POLK: variants seen among roughly 807,000 people sequenced by gnomAD.
POLK encodes the protein DNA polymerase kappa.
POLK carries 76 observed loss-of-function variants against 94.0 expected under a neutral mutation model. The observed-to-expected ratio is 0.81, with a 90% CI of 0.67 to 0.98. POLK has a LOEUF of 0.98. Among genes scored for constraint, POLK ranks in the 50% least tolerant of loss-of-function variants. The pLI is 0.00. For synonymous variants in POLK, 349 were observed against 325.4 expected (o/e 1.07, Z -0.78); for missense variants, 954 against 1,010.1 (o/e 0.94, Z 0.75).
chr5:75,534,850 T>A (rs1440170671), intron 1 of POLK: 1 of 152,238 alleles, frequency 6.6e-6, no homozygotes, highest in African/African-American at 2.4e-5. Flanking sequence ...CCCTTTACTT[T>A]GAGTCTGTGG....
rs1768051375 is a variant in POLK at position 75,512,011 on chromosome 5, G to A, written c.-14+97G>A. The A allele has an allele frequency of 2.0e-5, 11 of 554,550 alleles. No individual in the cohort carries two copies. In the South Asian group the frequency reaches 2.0e-4, roughly 10 times the overall value. The allele number at this position is 554,550 out of a possible 1,614,324, so 34.4% of individuals were successfully genotyped here. On this transcript the variant is annotated intron_variant, in intron 1 of 14. Coordinates refer to ENST00000241436, the Ensembl canonical transcript of POLK. ...GTTGCGTGACCAGCCCCTCGGCCTC[G>A]CTTCTATCCTTGCCTTGTGTGTTTA... is the stretch of plus-strand genomic sequence containing the variant.
intron 5 of POLK, among the ~76,000 whole-genome samples, chr5:75,574,959 C>A (rs1487816349): frequency 2.0e-5 from 3 of 152,206 alleles, no homozygotes; most frequent in African/African-American, 7.2e-5. Context: ...TACTTTAACT[C>A]AGCAAAACTT....
At chr5:75,588,552 TG>T (rs1200496924) in intron 10 of POLK, among the ~76,000 whole-genome samples, 1 of 152,224 alleles carries the variant, frequency 6.6e-6, no homozygotes, top group African/African-American at 2.4e-5. Flanking sequence ...TTGGCAAGAC[TG>T]TAGGAGTGAA....
rs1294455925 is a variant in POLK, at chr5:75,517,971, G to A, written c.-14+6057G>A. Among the ~76,000 whole-genome samples, 12 of 152,202 alleles carry A rather than the reference G, an allele frequency of 7.9e-5. No individual in the cohort carries two copies. The South Asian group carries it at 1.4e-3, about 18-fold the overall frequency. ...TTTGAATATGTTGAACTATCCTTGC[G>A]TCCCTTGGATGAATCCCACTTGATC... On this transcript the variant is annotated intron_variant, in intron 1 of 14. Coordinates refer to ENST00000241436, the Ensembl canonical transcript of POLK.
intron 3 of POLK, among the ~76,000 whole-genome samples, chr5:75,555,823 A>G (rs1445799240): frequency 1.3e-5 from 2 of 152,236 alleles, no homozygotes; most frequent in Non-Finnish European, 2.9e-5. Context: ...TTCTGGGATT[A>G]CAGGCGTGAG....
At chr5:75,606,052 CACAAGACA>C (rs1246867578), downstream of POLK, among the ~76,000 whole-genome samples, 1 of 118,558 alleles carries the variant, frequency 8.4e-6, no homozygotes, top group African/African-American at 3.3e-5. Context: ...GTGTCAGGGT[CACAAGACA>C]ATTGTGGGGA....
At chr5:75,598,134 C>G (rs1773189397) in exon 15 of POLK, 1 of 483,914 alleles carries the variant, frequency 2.1e-6, no homozygotes, top group African/African-American at 2.0e-5. Flanking sequence ...GTGCAATAAT[C>G]CTTCCTCAGA....
chr5:75,525,431 CTG>C (rs1015246068), intron 1 of POLK, among the ~76,000 whole-genome samples: 2 of 152,066 alleles, frequency 1.3e-5, no homozygotes, highest in African/African-American at 4.8e-5. Flanking sequence ...AGGAATTGGT[CTG>C]TCAGTTCGAA....
intron 1 of POLK, among the ~76,000 whole-genome samples, chr5:75,535,925 T>A (rs1322542912): frequency 1.3e-5 from 2 of 152,250 alleles, no homozygotes; most frequent in Non-Finnish European, 2.9e-5. Flanking sequence ...TCTTTGTTCC[T>A]ATCCATATTC....
At chr5:75,557,097 T>G (rs553043614) in intron 3 of POLK, among the ~76,000 whole-genome samples, 1 of 152,250 alleles carries the variant, frequency 6.6e-6, no homozygotes, top group South Asian at 2.1e-4. Context: ...CTCTTCTCCA[T>G]TTTATTGAGT....
chr5:75,558,452 C>T (rs1770760237), intron 3 of POLK, among the ~76,000 whole-genome samples: 1 of 152,080 alleles, frequency 6.6e-6, no homozygotes, highest in African/African-American at 2.4e-5. Flanking sequence ...CTTGTCCCAA[C>T]TCCATTTATT....
chr5:75,528,040 C>A lies in POLK; in HGVS notation c.-14+16126C>A, dbSNP rs1332198638. Among the ~76,000 whole-genome samples, 3 of 152,064 alleles carry A rather than the reference C, an allele frequency of 2.0e-5. No individual in the cohort carries two copies. In the East Asian group the frequency reaches 5.8e-4, roughly 29 times the overall value. On this transcript the variant is annotated intron_variant, in intron 1 of 14. Coordinates refer to ENST00000241436, the Ensembl canonical transcript of POLK. ...GCAAGAAGTTAAAAGTTCAGCCATC[C>A]CCAAGTGGCCGAACTAAATTCAGAT...
exon 1 of POLK, chr5:75,511,763 G>C: frequency 6.4e-7 from 1 of 1,551,190 alleles, no homozygotes; most frequent in Non-Finnish European, 8.7e-7. Context: ...CCCTACCTCC[G>C]GCTCTCCCGG....
chr5:75,521,211 C>T (rs1691025973), intron 1 of POLK, among the ~76,000 whole-genome samples: 1 of 152,008 alleles, frequency 6.6e-6, no homozygotes, highest in Non-Finnish European at 1.5e-5. Flanking sequence ...TTGCTCAGCT[C>T]CTTGAATACC....
chr5:75,539,623 G>A (rs538867800), intron 1 of POLK, among the ~76,000 whole-genome samples: 2 of 150,398 alleles, frequency 1.3e-5, no homozygotes, highest in Non-Finnish European at 2.9e-5. Flanking sequence ...AGCCTCCCAC[G>A]TTTAATTTTT....
At chr5:75,565,198 C>T (rs1012076684) in intron 3 of POLK, among the ~76,000 whole-genome samples, 2 of 152,004 alleles carry the variant, frequency 1.3e-5, no homozygotes, top group Non-Finnish European at 2.9e-5. Flanking sequence ...GTATGCTTCC[C>T]GAAGTTCTTG....
chr5:75,590,396 C>T, exon 11 of POLK: 1 of 1,610,704 alleles, frequency 6.2e-7, no homozygotes, highest in Non-Finnish European at 8.5e-7. Flanking sequence ...ATGTCAAGAA[C>T]TTTGCAGTGA....
At position 75,517,070 on chromosome 5, in the gene POLK, G is replaced by A. The variant is rs530506995; in HGVS notation, c.-14+5156G>A. 7.9e-5 allele frequency among the ~76,000 whole-genome samples: 12 copies of A among 152,298 alleles called. 1 individual carries two copies. In the South Asian group the frequency reaches 1.7e-3, roughly 21 times the overall value. ...AGCTTTGTAGTATATTTTGAAGTCAGATAGTGTGATGCCCCAAGCTTTGTT... is the reference window on the plus strand; with the variant it reads ...AGCTTTGTAGTATATTTTGAAGTCAAATAGTGTGATGCCCCAAGCTTTGTT... On this transcript the variant is annotated intron_variant, in intron 1 of 14. Coordinates refer to ENST00000241436, the Ensembl canonical transcript of POLK.
chr5:75,547,883 T>C (rs1298625987), intron 2 of POLK, among the ~76,000 whole-genome samples: 1 of 152,206 alleles, frequency 6.6e-6, no homozygotes, highest in African/African-American at 2.4e-5. Flanking sequence ...TGAGGTAATA[T>C]AGTATAGCAT....
Sources: allele counts gnomAD v4.1 joint callset (sites outside exome capture counted in the v4.1 genomes callset), GRCh38; gene constraint gnomAD v4.1.1; transcripts MANE v1.5; gene names NCBI Gene and HGNC (gene_info 2026-07-23, HGNC 2026-07-21).